Variants in RNF217 observed in about 807,000 individuals in gnomAD.
RNF217 encodes the protein ring finger protein 217.
RNF217 carries 31 observed loss-of-function variants against 57.8 expected under a neutral mutation model. The observed-to-expected ratio is 0.54, with a 90% CI of 0.40 to 0.72. RNF217 has a LOEUF of 0.72. Ranked by LOEUF, RNF217 falls within the 30% of genes least tolerant of loss-of-function variation. The probability of loss-of-function intolerance (pLI) is 0.00; values close to 1 mark genes in which losing one functional copy is unlikely to be tolerated. For missense variants in RNF217, 696 were observed against 708.3 expected (o/e 0.98, Z 0.20); for synonymous variants, 313 against 294.0 (o/e 1.06, Z -0.66).
chr6:125,022,309 T>G (rs1422895255), intron 1 of RNF217, among the ~76,000 whole-genome samples: 1 of 152,182 alleles, frequency 6.6e-6, no homozygotes, highest in African/African-American at 2.4e-5. Flanking sequence ...TTTATATAGC[T>G]CCATTATATA....
intron 5 of RNF217, 27 bp downstream of exon 5, chr6:125,081,534 T>G: frequency 6.4e-7 from 1 of 1,565,786 alleles, no homozygotes; most frequent in South Asian, 1.1e-5. Flanking sequence ...GCATCTGAGA[T>G]TAGAATTATC....
chr6:124,981,833 G>A (rs1389731564), intron 1 of RNF217, among the ~76,000 whole-genome samples: 1 of 150,730 alleles, frequency 6.6e-6, no homozygotes, highest in African/African-American at 2.4e-5. Context: ...CCTGGCGAAC[G>A]TGGTGAAACC....
At chr6:125,015,908 T>C (rs142498734) in intron 1 of RNF217, among the ~76,000 whole-genome samples, 190 of 152,242 alleles carry the variant, frequency 1.2e-3, no homozygotes, top group African/African-American at 4.2e-3. Flanking sequence ...TAATGTAGCA[T>C]TTCAGCAAAA....
chr6:125,082,027 G>T (rs1033803434), intron 5 of RNF217, among the ~76,000 whole-genome samples: 1 of 152,090 alleles, frequency 6.6e-6, no homozygotes, highest in African/African-American at 2.4e-5. Flanking sequence ...ATATTAAAAT[G>T]TGTATTTTAA....
intron 2 of RNF217, among the ~76,000 whole-genome samples, 183 bp downstream of exon 2, chr6:125,045,627 GAATT>G (rs571699055): frequency 6.6e-6 from 1 of 152,044 alleles, no homozygotes; most frequent in Non-Finnish European, 1.5e-5. Context: ...TGCTCTTAAG[GAATT>G]AATTACAGTT....
At chr6:125,055,777 T>C (rs1485595327) in intron 2 of RNF217, among the ~76,000 whole-genome samples, 1 of 152,168 alleles carries the variant, frequency 6.6e-6, no homozygotes, top group Non-Finnish European at 1.5e-5. Context: ...TTTCATTCAT[T>C]ATATTGGAAA....
At chr6:125,074,324 GATAGA>G (rs1465955639) in intron 3 of RNF217, among the ~76,000 whole-genome samples, 1 of 151,856 alleles carries the variant, frequency 6.6e-6, no homozygotes, top group Non-Finnish European at 1.5e-5. Flanking sequence ...TAGATAGATA[GATAGA>G]TAGATAGATA....
chr6:125,014,638 CA>C (rs1297477897), intron 1 of RNF217, among the ~76,000 whole-genome samples: 1 of 152,090 alleles, frequency 6.6e-6, no homozygotes, highest in Non-Finnish European at 1.5e-5. Context: ...AGTTCAAAAT[CA>C]CACACACTAA....
At chr6:125,036,037 G>A (rs561085051) in intron 1 of RNF217, among the ~76,000 whole-genome samples, 4 of 151,930 alleles carry the variant, frequency 2.6e-5, no homozygotes, top group Non-Finnish European at 4.4e-5. Flanking sequence ...TTTAAGCCCC[G>A]CATGCGATAG....
At chr6:125,054,684 G>A (rs968485847) in intron 2 of RNF217, among the ~76,000 whole-genome samples, 5 of 152,290 alleles carry the variant, frequency 3.3e-5, no homozygotes, top group African/African-American at 1.2e-4. Flanking sequence ...CTCATTCCTG[G>A]TCCAATAAAT....
intron 1 of RNF217, among the ~76,000 whole-genome samples, chr6:124,966,852 A>G (rs1249546883): frequency 6.6e-6 from 1 of 152,252 alleles, no homozygotes; most frequent in Non-Finnish European, 1.5e-5. Context: ...CAATATAGAC[A>G]TAGCAAATTA....
At chr6:124,973,370 T>G (rs912541158) in intron 1 of RNF217, among the ~76,000 whole-genome samples, 1 of 152,178 alleles carries the variant, frequency 6.6e-6, no homozygotes, top group African/African-American at 2.4e-5. Flanking sequence ...CTTAGAGTCC[T>G]TTTCACTCTG....
chr6:125,063,211 G>T (rs1300241295), intron 3 of RNF217, among the ~76,000 whole-genome samples: 1 of 152,088 alleles, frequency 6.6e-6, no homozygotes. Flanking sequence ...GAGTTAAGAA[G>T]AAAAGTTTCT....
At chr6:125,064,263 G>A (rs1380361670) in intron 3 of RNF217, among the ~76,000 whole-genome samples, 1 of 152,064 alleles carries the variant, frequency 6.6e-6, no homozygotes, top group Non-Finnish European at 1.5e-5. Flanking sequence ...TCTCCAGATT[G>A]CTTAAAATCA....
At chr6:125,039,053 A>C (rs62433318) in intron 1 of RNF217, among the ~76,000 whole-genome samples, 63,306 of 151,310 alleles carry the variant, frequency 0.42, 14,136 homozygotes, top group South Asian at 0.58. Context: ...TGCTGTGTCC[A>C]TGTGTTCTTG....
At chr6:124,996,922 G>A (rs1213606183) in intron 1 of RNF217, among the ~76,000 whole-genome samples, 3 of 151,986 alleles carry the variant, frequency 2.0e-5, no homozygotes, top group Non-Finnish European at 4.4e-5. Context: ...AAAATGATCC[G>A]TATTTTCTTT....
intron 3 of RNF217, among the ~76,000 whole-genome samples, chr6:125,069,926 T>C (rs1473813622): frequency 6.6e-6 from 1 of 152,106 alleles, no homozygotes; most frequent in African/African-American, 2.4e-5. Context: ...TCTTTAGTGG[T>C]GATTTCTGAG....
intron 2 of RNF217, among the ~76,000 whole-genome samples, chr6:125,048,556 C>T (rs1787184194): frequency 6.6e-6 from 1 of 152,040 alleles, no homozygotes; most frequent in South Asian, 2.1e-4. Context: ...CATTGATTCA[C>T]AGTATCTTCA....
rs1455211749 is a variant in RNF217 at position 125,090,027 on chromosome 6, A to G, written c.*7090A>G. The stretch of plus-strand genomic sequence containing the variant: ...TATCAGCTGACAAGAAACCCTTCTA[A>G]GACCCATTTTTTTAAGTGTCATATG... On this transcript the variant is annotated 3_prime_UTR_variant, in exon 6 of 6. Transcript: ENST00000521654. The G allele has an allele frequency of 6.6e-6, 1 of 152,082 alleles. No homozygotes were observed. The highest frequency in any genetic ancestry group is 2.4e-5 in the African/African-American group (1 of 41,410). The allele number at this position is 152,082 out of a possible 1,614,324, so 9.4% of individuals were successfully genotyped here.
Sources: gnomAD v4.1 joint callset for allele counts (sites outside exome capture counted in the v4.1 genomes callset) on GRCh38, gnomAD v4.1.1 for gene constraint, MANE v1.5 for transcripts, NCBI Gene and HGNC (gene_info 2026-07-23, HGNC 2026-07-21) for gene names.